The following NXPE4 variants were observed in gnomAD, a reference collection of about 807,000 sequenced individuals.
The protein encoded by NXPE4 is NXPE family member 4.
NXPE4 carries 42 observed loss-of-function variants against 33.3 expected under a neutral mutation model. The observed-to-expected ratio is 1.26, with a 90% confidence interval of 0.98 to 1.63. The LOEUF is 1.63. NXPE4 is among the 40% of genes most tolerant of loss of function. The pLI, the probability that NXPE4 is intolerant of heterozygous loss-of-function variation, is 0.00. For synonymous variants in NXPE4, 253 were observed against 234.9 expected, an observed-to-expected ratio of 1.08 and a Z score of -0.71; for missense variants, 709 against 647.6, an observed-to-expected ratio of 1.09 and a Z score of -1.03.
At chr11:114,640,328 A>C in the NXPE4 span, among the ~76,000 whole-genome samples, 35 of 147,346 alleles carry the variant, frequency 2.4e-4, 1 homozygote, top group East Asian at 6.7e-3. Flanking sequence ...TTATATGTTT[A>C]TATTGTATCC....
chr11:114,597,163 C>T (rs1040476903), upstream of NXPE4, among the ~76,000 whole-genome samples: 1 of 151,884 alleles, frequency 6.6e-6, no homozygotes, highest in Admixed American at 6.6e-5. Context: ...GGTATAACCA[C>T]TAAATATTTC....
At chr11:114,634,819 G>C in the NXPE4 span, among the ~76,000 whole-genome samples, 4 of 151,920 alleles carry the variant, frequency 2.6e-5, no homozygotes, top group African/African-American at 9.6e-5. Flanking sequence ...TTCCATTGAT[G>C]TATATCTCTG....
chr11:114,591,004 G>C (rs1015481225), intron 2 of NXPE4, among the ~76,000 whole-genome samples: 1 of 152,176 alleles, frequency 6.6e-6, no homozygotes, highest in Admixed American at 6.6e-5. Context: ...ACCTGAACAT[G>C]ACTGTGAGCA....
At chr11:114,600,636 G>C (rs923616553), upstream of NXPE4, among the ~76,000 whole-genome samples, 2 of 152,032 alleles carry the variant, frequency 1.3e-5, no homozygotes, top group South Asian at 2.1e-4. Context: ...AAGGAGACAT[G>C]ATGACTAAAT....
chr11:114,602,246 C>A, the NXPE4 span, among the ~76,000 whole-genome samples: 5 of 113,508 alleles, frequency 4.4e-5, no homozygotes, highest in African/African-American at 1.5e-4. Context: ...ATACTATATA[C>A]AATATATGTT....
the NXPE4 span, among the ~76,000 whole-genome samples, chr11:114,672,184 C>A: frequency 6.6e-6 from 1 of 151,960 alleles, no homozygotes; most frequent in Non-Finnish European, 1.5e-5. Context: ...TCCTCTAACA[C>A]TGGGAATTAC....
At chr11:114,607,123 T>A in the NXPE4 span, among the ~76,000 whole-genome samples, 2 of 151,860 alleles carry the variant, frequency 1.3e-5, no homozygotes, top group Non-Finnish European at 2.9e-5. Flanking sequence ...ACCCGGTTTA[T>A]AATAAGTGTT....
chr11:114,620,608 C>T, the NXPE4 span, among the ~76,000 whole-genome samples: 111 of 151,864 alleles, frequency 7.3e-4, no homozygotes, highest in Non-Finnish European at 1.1e-3. Context: ...ACCACTGTTA[C>T]GCGGTGGATA....
Position 114,581,736 on chromosome 11 carries a change from G to C in NXPE4, c.881C>G (p.Ser294Cys). 6.2e-7 allele frequency: 1 copy of C among 1,611,838 alleles called. No homozygotes were observed. The highest frequency in any genetic ancestry group is 8.5e-7 in the Non-Finnish European group (1 of 1,178,568). The change falls in exon 4 of 6, where the codon TCC becomes TGC. Residue 294 changes from serine to cysteine, a missense_variant. Transcript: ENST00000375478. ...ACAGGAGTACTTACTGTTGCATTTG[G>C]AGACACTAATTGTATTGAATTTTTC... is the stretch of plus-strand genomic sequence containing the variant. ...IMEKFNTISVSKCNKETVAMK... is the reference protein window; with the variant it reads ...IMEKFNTISVCKCNKETVAMK...
chr11:114,602,310 TAA>T, the NXPE4 span, among the ~76,000 whole-genome samples: 1 of 115,836 alleles, frequency 8.6e-6, no homozygotes, highest in Non-Finnish European at 1.7e-5. Flanking sequence ...ATACTATATA[TAA>T]TATATATTAT....
At chr11:114,601,690 A>ATAT in the NXPE4 span, among the ~76,000 whole-genome samples, 20,171 of 32,414 alleles carry the variant, frequency 0.62, 8,351 homozygotes, top group African/African-American at 0.76. Flanking sequence ...TAGATTATAT[A>ATAT]TATTTATAAT....
the NXPE4 span, among the ~76,000 whole-genome samples, chr11:114,660,008 A>G: frequency 6.6e-6 from 1 of 152,260 alleles, no homozygotes; most frequent in African/African-American, 2.4e-5. Context: ...ATAAGGGAAT[A>G]CTAAAGAATC....
At position 114,580,192 on chromosome 11, in the gene NXPE4, A is replaced by G. The variant is rs750762460; in HGVS notation, c.1039T>C (p.Tyr347His). The G allele has an allele frequency of 2.4e-5, 39 of 1,613,966 alleles. No individual in the cohort carries two copies. Among genetic ancestry groups the G allele is most frequent in the Non-Finnish European group, 3.1e-5 (37 of 1,179,954 alleles). Residue 347 changes from tyrosine (Y) to histidine (H), a missense_variant, in exon 5 of 6, where the codon TAC becomes CAC. Transcript: ENST00000375478. Reference sequence around the variant, plus strand: ...CGGATCGTGGAATCTCCCATTAGGTATATGAGTTTTCCTCTCAGGCATTCC... The same window carrying G: ...CGGATCGTGGAATCTCCCATTAGGTGTATGAGTTTTCCTCTCAGGCATTCC... The part of the protein sequence containing the change: ...MKECLRGKLI[Y>H]LMGDSTIRQW...
the NXPE4 span, among the ~76,000 whole-genome samples, chr11:114,606,394 C>T: frequency 6.6e-6 from 1 of 151,894 alleles, no homozygotes; most frequent in Non-Finnish European, 1.5e-5. Flanking sequence ...CATGGGTAAC[C>T]ACTGTTACCC....
chr11:114,632,566 T>G, the NXPE4 span, among the ~76,000 whole-genome samples: 1 of 115,410 alleles, frequency 8.7e-6, no homozygotes, highest in Admixed American at 1.3e-4. Context: ...GTTATATATT[T>G]ACATATATCA....
chr11:114,611,931 G>A, the NXPE4 span, among the ~76,000 whole-genome samples: 4 of 152,008 alleles, frequency 2.6e-5, no homozygotes, highest in African/African-American at 9.6e-5. Flanking sequence ...TTTGCCCGGT[G>A]GGTAACCACT....
chr11:114,589,735 C>T (rs1185428010), intron 2 of NXPE4, among the ~76,000 whole-genome samples: 1 of 152,152 alleles, frequency 6.6e-6, no homozygotes, highest in African/African-American at 2.4e-5. Flanking sequence ...TAATCGGAGA[C>T]AATATCCCCT....
At chr11:114,603,904 TC>T in the NXPE4 span, among the ~76,000 whole-genome samples, 2 of 150,326 alleles carry the variant, frequency 1.3e-5, no homozygotes, top group Non-Finnish European at 3.0e-5. Flanking sequence ...TTGCCTCGTC[TC>T]CAAGGGTAAC....
the NXPE4 span, among the ~76,000 whole-genome samples, chr11:114,650,513 A>T: frequency 6.6e-6 from 1 of 152,208 alleles, no homozygotes; most frequent in Non-Finnish European, 1.5e-5. Flanking sequence ...CCTGGCCTTA[A>T]GCAACAGCCT....
Sources: allele counts gnomAD v4.1 joint callset (sites outside exome capture counted in the v4.1 genomes callset), GRCh38; gene constraint gnomAD v4.1.1; transcripts MANE v1.5; gene names NCBI Gene and HGNC (gene_info 2026-07-23, HGNC 2026-07-21).